Variants in CAMK1D observed in about 807,000 individuals in gnomAD.
CAMK1D encodes calcium/calmodulin dependent protein kinase ID.
A neutral mutation model predicts 47.7 loss-of-function variants in CAMK1D; 9 were observed. The observed-to-expected ratio is 0.19, with a 90% CI of 0.11 to 0.33. CAMK1D has a LOEUF of 0.33. CAMK1D is among the 10% of genes least tolerant of loss of function. The pLI, the probability that CAMK1D is intolerant of heterozygous loss-of-function variation, is 1.00. For synonymous variants in CAMK1D, 184 were observed against 184.9 expected (o/e 0.99, Z 0.04); for missense variants, 291 against 488.7 (o/e 0.60, Z 3.81).
At position 12,674,599 on chromosome 10, in the gene CAMK1D, C is replaced by CTTTTTTTTTTTTTTTTTTTTTTTTTTTT. The variant is rs11391139; in HGVS notation, c.299+7807_299+7808insTTTTTTTTTTTTTTTTTTTTTTTTTTTT. Among the ~76,000 whole-genome samples, 4 of 63,472 alleles carry CTTTTTTTTTTTTTTTTTTTTTTTTTTTT rather than the reference C, an allele frequency of 6.3e-5. 1 individual carries two copies. The highest frequency in any genetic ancestry group is 2.8e-5 in the Non-Finnish European group (1 of 35,680). The allele number at this position is 63,472 out of a possible 152,430, so 41.6% of individuals were successfully genotyped here. ...TTTTATTTGGGTTTTTGGAAAAATG[C>CTTTTTTTTTTTTTTTTTTTTTTTTTTTT]TTTTTTTTTTTTTTTTTTCAGAATT... On this transcript the variant is annotated intron_variant, in intron 3 of 10. Transcript: ENST00000619168.
intron 3 of CAMK1D, among the ~76,000 whole-genome samples, chr10:12,706,395 G>A (rs1261273734): frequency 6.6e-6 from 1 of 152,224 alleles, no homozygotes; most frequent in South Asian, 2.1e-4. Context: ...CAGTACCACA[G>A]CACAGCAGTG....
At chr10:12,766,837 G>A (rs1042241219) in intron 4 of CAMK1D, among the ~76,000 whole-genome samples, 3 of 152,136 alleles carry the variant, frequency 2.0e-5, no homozygotes, top group Admixed American at 6.5e-5. Flanking sequence ...ACAGGGCTGC[G>A]CAGGCCTGGC....
intron 3 of CAMK1D, among the ~76,000 whole-genome samples, chr10:12,721,874 T>C (rs1834391852): frequency 6.6e-6 from 1 of 152,202 alleles, no homozygotes; most frequent in East Asian, 1.9e-4. Context: ...CTAATGTCTA[T>C]AACAGAGGTT....
At chr10:12,484,854 C>T (rs1279386097) in intron 1 of CAMK1D, among the ~76,000 whole-genome samples, 2 of 151,736 alleles carry the variant, frequency 1.3e-5, no homozygotes, top group East Asian at 3.9e-4. Context: ...CTGGGCTGGG[C>T]GTGTCATGGG....
chr10:12,556,950 T>C (rs1411828549), intron 2 of CAMK1D, among the ~76,000 whole-genome samples: 2 of 152,140 alleles, frequency 1.3e-5, no homozygotes, highest in East Asian at 1.9e-4. Context: ...GAAACAGTTA[T>C]GAGTGTGTGA....
At chr10:12,449,501 A>G (rs1000851763) in intron 1 of CAMK1D, among the ~76,000 whole-genome samples, 18 of 138,048 alleles carry the variant, frequency 1.3e-4, no homozygotes, top group African/African-American at 4.8e-4. Context: ...CATCACACGC[A>G]CACAAGGGGT....
chr10:12,499,673 T>G (rs7081851), intron 1 of CAMK1D, among the ~76,000 whole-genome samples: 1,651 of 152,114 alleles, frequency 0.011, 27 homozygotes, highest in African/African-American at 0.037. Flanking sequence ...GGATTTTCAC[T>G]TTAGAGCAGA....
At chr10:12,511,861 A>G (rs1202229693) in intron 1 of CAMK1D, among the ~76,000 whole-genome samples, 3 of 152,214 alleles carry the variant, frequency 2.0e-5, no homozygotes, top group Non-Finnish European at 4.4e-5. Flanking sequence ...TCGCCAAGCC[A>G]GCGGCATCTC....
rs1235640650 is a variant in CAMK1D at position 12,554,108 on chromosome 10, T to TA, written c.224+753dup. On this transcript the variant is annotated intron_variant, in intron 2 of 10. Coordinates refer to ENST00000619168, the MANE Select transcript of CAMK1D (RefSeq NM_153498.4). ...AAAATAGATTTTTCTTTCTTTTTTTTATTTCCTTTCTTTCCCTCCCCACTC... is the reference window on the plus strand; with the variant it reads ...AAAATAGATTTTTCTTTCTTTTTTTTAATTTCCTTTCTTTCCCTCCCCACTC... Among the ~76,000 whole-genome samples the TA allele has an allele frequency of 3.9e-5, 6 of 151,900 alleles. No homozygotes were observed. The South Asian group carries it at 6.3e-4, about 16-fold the overall frequency.
chr10:12,688,015 G>A (rs1588791682), intron 3 of CAMK1D, among the ~76,000 whole-genome samples: 1 of 152,292 alleles, frequency 6.6e-6, no homozygotes, highest in East Asian at 1.9e-4. Context: ...AAAGTTAGTT[G>A]AAAACAATCG....
intron 1 of CAMK1D, among the ~76,000 whole-genome samples, chr10:12,531,771 A>G (rs1835813410): frequency 6.6e-6 from 1 of 152,230 alleles, no homozygotes; most frequent in African/African-American, 2.4e-5. Context: ...TTTTCTAAGC[A>G]ATAATGTTCT....
chr10:12,813,962 A>AT (rs1223409204), intron 6 of CAMK1D, among the ~76,000 whole-genome samples: 2 of 116,626 alleles, frequency 1.7e-5, no homozygotes, highest in African/African-American at 4.1e-5. Context: ...TTTTTTTTGC[A>AT]TTTTTTAGTT....
At chr10:12,773,680 G>A (rs1319022262) in intron 5 of CAMK1D, among the ~76,000 whole-genome samples, 2 of 152,118 alleles carry the variant, frequency 1.3e-5, no homozygotes, top group African/African-American at 4.8e-5. Flanking sequence ...ATTACCTGCG[G>A]TCAGGAGTTC....
At chr10:12,523,866 T>G (rs1282702516) in intron 1 of CAMK1D, among the ~76,000 whole-genome samples, 1 of 152,164 alleles carries the variant, frequency 6.6e-6, no homozygotes, top group Non-Finnish European at 1.5e-5. Context: ...TCGTGGTGTT[T>G]ATGTGTGTGT....
chr10:12,464,723 G>C (rs1435724801), intron 1 of CAMK1D, among the ~76,000 whole-genome samples: 1 of 151,918 alleles, frequency 6.6e-6, no homozygotes, highest in Admixed American at 6.6e-5. Flanking sequence ...GCTGAGGCAG[G>C]AGAATGGCAT....
chr10:12,638,189 G>A (rs1000385694), intron 2 of CAMK1D, among the ~76,000 whole-genome samples: 3 of 152,194 alleles, frequency 2.0e-5, no homozygotes, highest in African/African-American at 7.2e-5. Context: ...GGAGGGGCCA[G>A]GCTTCTAGCA....
intron 2 of CAMK1D, among the ~76,000 whole-genome samples, chr10:12,559,290 TAAATA>T (rs1836861560): frequency 6.6e-6 from 1 of 151,866 alleles, no homozygotes; most frequent in Non-Finnish European, 1.5e-5. Context: ...TCTAAAAAAA[TAAATA>T]AAAGGAAAAA....
chr10:12,712,876 G>A (rs546110469), intron 3 of CAMK1D, among the ~76,000 whole-genome samples: 16 of 152,238 alleles, frequency 1.1e-4, no homozygotes, highest in South Asian at 2.1e-4. Context: ...CAGCGAAGGG[G>A]AGGGTACTGA....
chr10:12,591,007 C>G (rs1031782190), intron 2 of CAMK1D, among the ~76,000 whole-genome samples: 6 of 152,188 alleles, frequency 3.9e-5, no homozygotes, highest in African/African-American at 1.4e-4. Flanking sequence ...GAGAAGATAG[C>G]TAACCGATTT....
Sources: allele counts gnomAD v4.1 joint callset (sites outside exome capture counted in the v4.1 genomes callset), GRCh38; gene constraint gnomAD v4.1.1; transcripts MANE v1.5; gene names NCBI Gene and HGNC (gene_info 2026-07-23, HGNC 2026-07-21).